The following KCNA2 variants were observed in gnomAD, a reference collection of about 807,000 sequenced individuals.
KCNA2 encodes the protein potassium voltage-gated channel subfamily A member 2.
Under a neutral mutation model 33.4 loss-of-function variants are expected in KCNA2, and 11 were observed. The ratio of observed to expected loss-of-function variants is 0.33; its 90% CI spans 0.21 to 0.55. The LOEUF (loss-of-function observed/expected upper bound fraction) is 0.55. KCNA2 is among the 20% of genes least tolerant of loss of function. The pLI is 0.93. For synonymous variants in KCNA2, 222 were observed against 231.3 expected (o/e 0.96, Z 0.37); for missense variants, 291 against 621.6 (o/e 0.47, Z 5.66).
chr1:110,595,650 T>A lies in KCNA2; in HGVS notation c.*7633A>T, dbSNP rs940282295. 2.0e-6 allele frequency: 2 copies of A among 985,348 alleles called. No homozygotes were observed. The highest frequency in any genetic ancestry group is 3.5e-5 in the African/African-American group (2 of 57,234). The allele number at this position is 985,348 out of a possible 1,614,324, so 61.0% of individuals were successfully genotyped here. On this transcript the variant is annotated 3_prime_UTR_variant, in exon 3 of 3. Coordinates refer to ENST00000316361, the MANE Select transcript of KCNA2 (RefSeq NM_004974.4). ...GAATGAGAGCAGGTTTTAGCTTGCA[T>A]CCAGCTGTTTCTTGAGTGATGTGTA...
intron 1 of KCNA2, among the ~76,000 whole-genome samples, chr1:110,616,290 C>T (rs1041366729): frequency 7.9e-5 from 12 of 152,268 alleles, no homozygotes; most frequent in African/African-American, 2.9e-4. Flanking sequence ...AATGCAGCCC[C>T]ACCCCCACCC....
At position 110,601,788 on chromosome 1, in the gene KCNA2, A is replaced by ATGTGTGTGTGTGTG. The variant is rs774362380; in HGVS notation, c.*1494_*1495insCACACACACACACA. 9.3e-6 allele frequency: 11 copies of ATGTGTGTGTGTGTG among 1,180,490 alleles called. No homozygotes were observed. The East Asian group carries it at 1.1e-4, about 12-fold the overall frequency. The allele number at this position is 1,180,490 out of a possible 1,614,324, so 73.1% of individuals were successfully genotyped here. ...AACTCCAGAAAATGAATATATATAT[A>ATGTGTGTGTGTGTG]TATATATGTGTGTGTGTGTGTGTGT... On this transcript the variant is annotated 3_prime_UTR_variant, in exon 3 of 3. Coordinates refer to ENST00000316361, the MANE Select transcript of KCNA2 (RefSeq NM_004974.4).
intron 1 of KCNA2, among the ~76,000 whole-genome samples, chr1:110,626,537 T>C (rs1480388171): frequency 1.3e-5 from 2 of 152,224 alleles, no homozygotes; most frequent in African/African-American, 4.8e-5. Flanking sequence ...TCTCAGTGTG[T>C]ACCTTTTATA....
In KCNA2 at chr1:110,593,751, G is replaced by T; in HGVS notation, c.*9532C>A. 1.1e-6 allele frequency: 1 copy of T among 915,476 alleles called. No individual in the cohort carries two copies. The highest frequency in any genetic ancestry group is 1.6e-6 in the Non-Finnish European group (1 of 633,662). 56.7% of individuals were successfully genotyped at this position (915,476 alleles called of 1,614,324 possible). On this transcript the variant is annotated 3_prime_UTR_variant, in exon 3 of 3. Transcript: ENST00000316361. ...AGGTGGACAGGCAATGTTCATTGAG[G>T]CACATATGTACACATATATGTATAA...
intron 1 of KCNA2, 110 bp downstream of exon 1, chr1:110,606,118 A>G (rs1649588406): frequency 6.4e-6 from 1 of 155,504 alleles, no homozygotes; most frequent in Admixed American, 6.5e-5. Flanking sequence ...GACCTCAGCC[A>G]GTCCTGGAAA....
At chr1:110,611,018 G>GAGGAAAGAAGGA (rs1649848342), upstream of KCNA2, among the ~76,000 whole-genome samples, 8 of 144,142 alleles carry the variant, frequency 5.6e-5, no homozygotes, top group South Asian at 1.9e-3. Context: ...AAGACAGAAT[G>GAGGAAAGAAGGA]AGGAAGGAAG....
At chr1:110,624,623 G>C (rs2101466072) in intron 1 of KCNA2, among the ~76,000 whole-genome samples, 1 of 152,280 alleles carries the variant, frequency 6.6e-6, no homozygotes, top group African/African-American at 2.4e-5. Context: ...CCTCGATAAA[G>C]CTGTTAAAAC....
rs772464176 is a variant in KCNA2, at chr1:110,603,295, T to C, written c.1488A>G (p.Leu496=). Residue 496 remains leucine (L), a synonymous_variant, in exon 3 of 3, where the codon TTA becomes TTG. Coordinates refer to ENST00000316361, the MANE Select transcript of KCNA2 (RefSeq NM_004974.4). The surrounding 1 kb of genome is among the most constrained non-coding windows in gnomAD (Gnocchi z 5.7). The part of the protein sequence containing the change: ...NTNYVNITKM[L]TDV ...TAATAGGTTTCAATCAGACATCAGT[T>C]AACATTTTGGTAATATTCACATAGT... 1 of 1,604,296 alleles carries C rather than the reference T, an allele frequency of 6.2e-7. No individual in the cohort carries two copies. Among genetic ancestry groups the C allele is most frequent in the Non-Finnish European group, 8.5e-7 (1 of 1,175,392 alleles).
chr1:110,612,356 G>A (rs1230299624), intron 1 of KCNA2, among the ~76,000 whole-genome samples: 1 of 152,180 alleles, frequency 6.6e-6, no homozygotes, highest in African/African-American at 2.4e-5. Flanking sequence ...CTACAAACCT[G>A]TACAGCATGT....
chr1:110,618,564 C>A (rs911975035), intron 1 of KCNA2, among the ~76,000 whole-genome samples: 1 of 152,096 alleles, frequency 6.6e-6, no homozygotes, highest in Non-Finnish European at 1.5e-5. Flanking sequence ...GAAAAAGACC[C>A]AGGAGAGCCA....
At position 110,602,932 on chromosome 1, in the gene KCNA2, G is replaced by T. The variant is rs1649422588; in HGVS notation, c.*351C>A. The T allele has an allele frequency of 9.4e-7, 1 of 1,062,644 alleles. No individual in the cohort carries two copies. The highest frequency in any genetic ancestry group is 3.9e-5 in the South Asian group (1 of 25,488). The allele number at this position is 1,062,644 out of a possible 1,614,324, so 65.8% of individuals were successfully genotyped here. On this transcript the variant is annotated 3_prime_UTR_variant, in exon 3 of 3. Transcript: ENST00000316361. ...TAAGGTGGTGGGATGGTGGGGAGGG[G>T]AGTGCATCTCTTGGATGTTGTGTGC... is the stretch of plus-strand genomic sequence containing the variant.
At chr1:110,606,693 C>T (rs1219371300), upstream of KCNA2, 1 of 152,334 alleles carries the variant, frequency 6.6e-6, no homozygotes, top group Non-Finnish European at 1.5e-5. Context: ...ACCGCCGAGG[C>T]TCAGTGTCCA....
chr1:110,604,648 C>A lies in KCNA2; in HGVS notation c.135G>T (p.Glu45Asp). The change falls in exon 3 of 3, where the codon GAG becomes GAT. Residue 45 changes from glutamate to aspartate, a missense_variant. Transcript: ENST00000316361. The surrounding 1 kb of genome is among the most constrained non-coding windows in gnomAD (Gnocchi z 7.6). ...VVINISGLRFETQLKTLAQFP... is the reference protein window; with the variant it reads ...VVINISGLRFDTQLKTLAQFP... The stretch of plus-strand genomic sequence containing the variant: ...ACTGGGCTAAGGTCTTTAGCTGGGT[C>A]TCAAACCGCAGCCCTGAGATGTTGA... 1 of 1,614,182 alleles carries A rather than the reference C, an allele frequency of 6.2e-7. No individual in the cohort carries two copies. The highest frequency in any genetic ancestry group is 8.5e-7 in the Non-Finnish European group (1 of 1,180,040).
In KCNA2 at chr1:110,620,030, T is replaced by A. The variant is rs1570765406; in HGVS notation, c.-496+11365A>T. Among the ~76,000 whole-genome samples the A allele has an allele frequency of 3.3e-5, 4 of 122,910 alleles. No homozygotes were observed. In the East Asian group the frequency reaches 1.0e-3, roughly 31 times the overall value. The allele number at this position is 122,910 out of a possible 152,430, so 80.6% of individuals were successfully genotyped here. A position where few individuals can be genotyped will look rare whatever the true frequency, so the allele number is the denominator to read the frequency against. ...TTGTGTGAGCTTCCTGAGAGCAGCT[T>A]AATGAGAGAGAGAGAGCGAGAGCGA... On this transcript the variant is annotated intron_variant, in intron 1 of 4. Coordinates refer to the KCNA2 transcript ENST00000369770.
chr1:110,618,326 T>C (rs1443989104), intron 1 of KCNA2, among the ~76,000 whole-genome samples: 1 of 152,190 alleles, frequency 6.6e-6, no homozygotes, highest in East Asian at 1.9e-4. Flanking sequence ...CTGGCTGACA[T>C]GTGAGTGACC....
In KCNA2 at chr1:110,602,967, G is replaced by C; in HGVS notation, c.*316C>G. 3 of 1,119,092 alleles carry C rather than the reference G, an allele frequency of 2.7e-6. No homozygotes were observed. The highest frequency in any genetic ancestry group is 3.3e-6 in the Non-Finnish European group (3 of 916,410). 69.3% of individuals were successfully genotyped at this position (1,119,092 alleles called of 1,614,324 possible). ...CTTGGATGTTGTGTGCATTTCATTA[G>C]GAAGGAATGATGGCACTGATATGGT... On this transcript the variant is annotated 3_prime_UTR_variant, in exon 3 of 3. Coordinates refer to ENST00000316361, the MANE Select transcript of KCNA2 (RefSeq NM_004974.4).
At position 110,596,885 on chromosome 1, in the gene KCNA2, A is replaced by T; in HGVS notation, c.*6398T>A. The T allele has an allele frequency of 1.0e-6, 1 of 985,482 alleles. No homozygotes were observed. Among genetic ancestry groups the T allele is most frequent in the Non-Finnish European group, 1.2e-6 (1 of 829,950 alleles). 61.0% of individuals were successfully genotyped at this position (985,482 alleles called of 1,614,324 possible). ...GATGGAATGGGACCCTGGGGTTGCC[A>T]GCCTTCCCTGATTGTCCAGTCTGAA... On this transcript the variant is annotated 3_prime_UTR_variant, in exon 3 of 3. Coordinates refer to ENST00000316361, the MANE Select transcript of KCNA2 (RefSeq NM_004974.4).
chr1:110,614,425 G>A (rs1043095013), intron 1 of KCNA2, among the ~76,000 whole-genome samples: 1 of 152,218 alleles, frequency 6.6e-6, no homozygotes, highest in African/African-American at 2.4e-5. Flanking sequence ...TTATGTGGCT[G>A]AATTAGCTGG....
At chr1:110,610,282 G>C (rs555446738), upstream of KCNA2, among the ~76,000 whole-genome samples, 2 of 152,280 alleles carry the variant, frequency 1.3e-5, no homozygotes, top group East Asian at 3.9e-4. Context: ...CCACACAGAG[G>C]GACTGGAGGG....
Sources: allele counts gnomAD v4.1 joint callset (sites outside exome capture counted in the v4.1 genomes callset), GRCh38; gene constraint gnomAD v4.1.1; non-coding constraint Gnocchi (gnomAD v3.1); transcripts MANE v1.5; gene names NCBI Gene and HGNC (gene_info 2026-07-23, HGNC 2026-07-21).